PIWIL3: variants seen among roughly 807,000 people sequenced by gnomAD.
PIWIL3 encodes the protein piwi like RNA-mediated gene silencing 3.
In PIWIL3, 101 loss-of-function variants were observed where a neutral mutation model predicts 109.7. That is an observed-to-expected ratio of 0.92 (90% CI 0.78 to 1.09). The LOEUF (loss-of-function observed/expected upper bound fraction) is 1.09. Ranked by LOEUF, PIWIL3 falls within the 50% of genes least tolerant of loss-of-function variation. The pLI is 0.00. For missense variants in PIWIL3, 1,031 were observed against 1,072.6 expected, an observed-to-expected ratio of 0.96 and a Z score of 0.54; for synonymous variants, 373 against 376.4, an observed-to-expected ratio of 0.99 and a Z score of 0.10.
At chr22:24,762,376 G>T in intron 2 of PIWIL3, 22 bp downstream of exon 2, 10 of 1,600,670 alleles carry the variant, frequency 6.2e-6, no homozygotes, top group Non-Finnish European at 8.5e-6. Context: ...TTGCAGAAAG[G>T]AAACAACGTT....
At chr22:24,753,243 G>A (rs1489485507) in intron 8 of PIWIL3, among the ~76,000 whole-genome samples, 1 of 152,160 alleles carries the variant, frequency 6.6e-6, no homozygotes, top group Non-Finnish European at 1.5e-5. Context: ...AAAAGATTCA[G>A]TCCTATATTT....
intron 4 of PIWIL3, among the ~76,000 whole-genome samples, chr22:24,757,676 ACACAC>A (rs1925162574): frequency 2.2e-5 from 3 of 134,120 alleles, no homozygotes; most frequent in African/African-American, 7.9e-5. Flanking sequence ...ACACACACAC[ACACAC>A]ACACACACAC....
rs1382010918 is a variant in PIWIL3 at position 24,758,032 on chromosome 22, C to A, written c.231G>T (p.Lys77Asn). 1 of 1,610,014 alleles carries A rather than the reference C, an allele frequency of 6.2e-7. No homozygotes were observed. The highest frequency in any genetic ancestry group is 2.2e-5 in the East Asian group (1 of 44,848). ...AGGGAQSQGVKEPGPEAGLHT... is the reference protein window; with the variant it reads ...AGGGAQSQGVNEPGPEAGLHT... The stretch of plus-strand genomic sequence containing the variant: ...GCAACCCAGCCTCAGGTCCAGGTTC[C>A]TTCACCCCTGCATAAATGTAAACGC... Residue 77 changes from lysine (K) to asparagine (N), a missense_variant, in exon 4 of 21, where the codon AAG becomes AAT. Physicochemically the swap from Lys to Asn is moderately conservative, Grantham distance 94. Coordinates refer to ENST00000616349, the MANE Select transcript of PIWIL3 (RefSeq NM_001255975.1).
intron 14 of PIWIL3, among the ~76,000 whole-genome samples, chr22:24,730,104 C>T (rs568801479): frequency 6.6e-5 from 10 of 152,068 alleles, no homozygotes; most frequent in African/African-American, 1.4e-4. Context: ...CAGAGGCTTA[C>T]GCCTGTAATC....
chr22:24,748,829 T>G, intron 12 of PIWIL3, 78 bp downstream of exon 12: 7 of 1,123,754 alleles, frequency 6.2e-6, no homozygotes, highest in Non-Finnish European at 6.5e-6. Context: ...TAGTCATTAC[T>G]GAGACTCAAG....
chr22:24,753,898 G>C (rs747449942), intron 8 of PIWIL3, 116 bp downstream of exon 8: 68 of 851,428 alleles, frequency 8.0e-5, no homozygotes, highest in Non-Finnish European at 1.2e-4. Flanking sequence ...AGTTGTTCTT[G>C]CAATTTCTAC....
intron 2 of PIWIL3, 85 bp from the exon 3 acceptor site, chr22:24,760,074 A>G (rs1925329803): frequency 1.3e-6 from 2 of 1,539,318 alleles, no homozygotes; most frequent in Non-Finnish European, 1.8e-6. Context: ...GGCACAAGGC[A>G]AAGGAACTTC....
At position 24,735,750 on chromosome 22, in the gene PIWIL3, C is replaced by T. The variant is rs573859650; in HGVS notation, c.1592G>A (p.Ser531Asn). The change falls in exon 13 of 21, where the codon AGT becomes AAT. Residue 531 changes from serine to asparagine, a missense_variant. By Grantham distance (46) the Ser-to-Asn change is conservative. Transcript: ENST00000616349. ...EAMSLKGHLQ[S>N]VTAPMGITMK... ...AGTTATGCCCATGGGGGCTGTGACA[C>T]TCTGTAGATGACCCTTTAAGGACAT... The T allele has an allele frequency of 1.7e-4, 274 of 1,612,800 alleles. 3 individuals are homozygous for T. The South Asian group carries it at 2.6e-3, about 16-fold the overall frequency.
chr22:24,732,062 A>C (rs1923383413), intron 14 of PIWIL3, among the ~76,000 whole-genome samples: 1 of 152,192 alleles, frequency 6.6e-6, no homozygotes, highest in African/African-American at 2.4e-5. Context: ...CCAAACATCA[A>C]GTACTTGTGA....
chr22:24,765,541 C>A (rs1234790690), intron 1 of PIWIL3, among the ~76,000 whole-genome samples: 2 of 152,066 alleles, frequency 1.3e-5, no homozygotes, highest in African/African-American at 2.4e-5. Flanking sequence ...AATATTTAAA[C>A]CTTTTTCTTG....
rs146893417 is a variant in PIWIL3 at position 24,724,637 on chromosome 22, A to G, written c.2231+250T>C. The stretch of plus-strand genomic sequence containing the variant: ...TTTTTAGTAGAGACGGGGTTTCTCC[A>G]TGTTGGTCAGCCTGGTCTTGAACTC... On this transcript the variant is annotated intron_variant, in intron 18 of 20. Transcript: ENST00000616349. Among the ~76,000 whole-genome samples, 928 of 152,020 alleles carry G rather than the reference A, an allele frequency of 6.1e-3. 7 individuals carry two copies. The highest frequency in any genetic ancestry group is 0.021 in the African/African-American group (866 of 41,462).
At chr22:24,720,723 G>C (rs1287639833) in intron 19 of PIWIL3, among the ~76,000 whole-genome samples, 12 of 152,052 alleles carry the variant, frequency 7.9e-5, no homozygotes, top group Non-Finnish European at 1.6e-4. Flanking sequence ...ATGTTAGATT[G>C]ATCAAATGTT....
In PIWIL3 at chr22:24,760,962, T is replaced by C. The variant is rs1925402070; in HGVS notation, c.103-973A>G. 2.6e-5 allele frequency among the ~76,000 whole-genome samples: 4 copies of C among 151,818 alleles called. No individual in the cohort carries two copies. In the South Asian group the frequency reaches 8.3e-4, roughly 32 times the overall value. On this transcript the variant is annotated intron_variant, in intron 2 of 20. Transcript: ENST00000616349. ...GAAATTGTCTGATACTGGATAGTTT[T>C]TGAGAAAACAATCCCGTGGTTGTTT...
chr22:24,770,371 C>T (rs575805531), intron 1 of PIWIL3, among the ~76,000 whole-genome samples: 3 of 152,190 alleles, frequency 2.0e-5, no homozygotes, highest in African/African-American at 4.8e-5. Flanking sequence ...CTTCAAAATA[C>T]ATTTTTAACT....
intron 7 of PIWIL3, 148 bp downstream of exon 7, chr22:24,754,636 C>T (rs541363247): frequency 1.6e-6 from 1 of 619,144 alleles, no homozygotes. Context: ...ACTGAGTTGA[C>T]ATTACACTAA....
At chr22:24,723,338 A>C in intron 18 of PIWIL3, 83 bp from the exon 19 acceptor site, 1 of 1,382,132 alleles carries the variant, frequency 7.2e-7, no homozygotes, top group Non-Finnish European at 1.0e-6. Context: ...TCTGCTTTAC[A>C]TTTAGGACCC....
chr22:24,757,006 G>A (rs1925075659), intron 4 of PIWIL3, among the ~76,000 whole-genome samples: 2 of 146,728 alleles, frequency 1.4e-5, no homozygotes, highest in African/African-American at 5.0e-5. Flanking sequence ...TTGAACCCAG[G>A]AGGCAGAGGT....
intron 4 of PIWIL3, among the ~76,000 whole-genome samples, chr22:24,756,971 C>T (rs1288108362): frequency 4.7e-5 from 7 of 149,306 alleles, no homozygotes; most frequent in Non-Finnish European, 1.0e-4. Context: ...CCCAGCTACT[C>T]GGAAGGCTGA....
chr22:24,722,333 T>C lies in PIWIL3; in HGVS notation c.2357+797A>G, dbSNP rs368040841. Reference sequence around the variant, plus strand: ...TCTGGACCTCGTGATCTGCCCGCCTTGGCCTCCCAAAGTGCTGGGATTACA... The same window carrying C: ...TCTGGACCTCGTGATCTGCCCGCCTCGGCCTCCCAAAGTGCTGGGATTACA... On this transcript the variant is annotated intron_variant, in intron 19 of 20. Coordinates refer to ENST00000616349, the MANE Select transcript of PIWIL3 (RefSeq NM_001255975.1). Among the ~76,000 whole-genome samples the C allele has an allele frequency of 5.8e-4, 88 of 152,182 alleles. No individual in the cohort carries two copies. The East Asian group carries it at 0.012, about 20-fold the overall frequency.
Sources: allele counts gnomAD v4.1 joint callset (sites outside exome capture counted in the v4.1 genomes callset), GRCh38; gene constraint gnomAD v4.1.1; transcripts MANE v1.5; gene names NCBI Gene and HGNC (gene_info 2026-07-23, HGNC 2026-07-21).